The following AHRR variants were observed in gnomAD, a reference collection of about 807,000 sequenced individuals.
The protein encoded by AHRR is aryl hydrocarbon receptor repressor, also known as ahR repressor.
Under a neutral mutation model 44.0 loss-of-function variants are expected in AHRR, and 28 were observed. The ratio of observed to expected loss-of-function variants is 0.64; its 90% CI spans 0.47 to 0.87. The LOEUF (loss-of-function observed/expected upper bound fraction) is 0.87. AHRR is among the 40% of genes least tolerant of loss of function. The probability of loss-of-function intolerance (pLI) is 0.00; values close to 1 mark genes in which losing one functional copy is unlikely to be tolerated. For missense variants in AHRR, 990 were observed against 953.9 expected (o/e 1.04, Z -0.50); for synonymous variants, 434 against 407.0 (o/e 1.07, Z -0.80).
intron 4 of AHRR, among the ~76,000 whole-genome samples, chr5:382,045 A>G (rs1734006864): frequency 6.6e-6 from 1 of 152,094 alleles, no homozygotes; most frequent in African/African-American, 2.4e-5. Context: ...TCTCATTTCT[A>G]TTTTGCCCAA....
chr5:391,396 AGGGCGAGGCAGGGCCAGAGCGTG>A (rs1734436079), intron 4 of AHRR, among the ~76,000 whole-genome samples: 1 of 117,792 alleles, frequency 8.5e-6, no homozygotes, highest in Admixed American at 8.4e-5. Context: ...AGGAGGGCGC[AGGGCGAGGCAGGGCCAGAGCGTG>A]CACGGGGGCA....
chr5:431,651 C>T (rs1198229178), intron 8 of AHRR, among the ~76,000 whole-genome samples: 1 of 152,054 alleles, frequency 6.6e-6, no homozygotes, highest in Non-Finnish European at 1.5e-5. Context: ...CCCCCAACAG[C>T]CCCCCAGTCT....
intron 4 of AHRR, among the ~76,000 whole-genome samples, chr5:398,120 G>GTAGCCCCTGACCGTCCACA (rs1734834609): frequency 9.1e-6 from 1 of 109,964 alleles, no homozygotes; most frequent in African/African-American, 4.3e-5. Flanking sequence ...GACCATCCAC[G>GTAGCCCCTGACCGTCCACA]TAGCTCCTGA....
intron 3 of AHRR, among the ~76,000 whole-genome samples, chr5:373,474 G>A (rs1743648459): frequency 6.6e-6 from 1 of 152,232 alleles, no homozygotes; most frequent in African/African-American, 2.4e-5. Context: ...TGCTGGCCCA[G>A]CTGTGCCTTG....
intron 5 of AHRR, among the ~76,000 whole-genome samples, chr5:415,072 C>T (rs911649589): frequency 3.3e-5 from 5 of 152,354 alleles, no homozygotes; most frequent in Admixed American, 1.3e-4. Context: ...GTTCCCAAGA[C>T]GTTCAGGCCA....
At chr5:377,051 C>A (rs1733741921) in intron 4 of AHRR, among the ~76,000 whole-genome samples, 1 of 152,098 alleles carries the variant, frequency 6.6e-6, no homozygotes, top group Non-Finnish European at 1.5e-5. Flanking sequence ...AAAATTAAGC[C>A]TTTTTTCCCC....
intron 1 of AHRR, among the ~76,000 whole-genome samples, chr5:332,345 A>G (rs372652418): frequency 2.8e-5 from 4 of 143,360 alleles, no homozygotes; most frequent in African/African-American, 1.0e-4. Flanking sequence ...TCGGCTCACC[A>G]CAACCTCCGC....
chr5:363,271 C>T (rs537168429), intron 3 of AHRR, among the ~76,000 whole-genome samples: 25 of 152,300 alleles, frequency 1.6e-4, no homozygotes, highest in Admixed American at 3.9e-4. Context: ...AGAGAGCTGG[C>T]ACATGAGGCT....
At chr5:408,241 G>A (rs1735344688) in intron 4 of AHRR, among the ~76,000 whole-genome samples, 1 of 152,262 alleles carries the variant, frequency 6.6e-6, no homozygotes, top group South Asian at 2.1e-4. Flanking sequence ...ATGGGTGGTG[G>A]TGGGCCTCCC....
At chr5:415,129 T>C (rs1365476361) in intron 5 of AHRR, among the ~76,000 whole-genome samples, 1 of 152,240 alleles carries the variant, frequency 6.6e-6, no homozygotes, top group Non-Finnish European at 1.5e-5. Context: ...GATGCGCACC[T>C]GGAGGCCGCT....
At chr5:343,230 G>A (rs1742406590) in intron 1 of AHRR, among the ~76,000 whole-genome samples, 1 of 148,642 alleles carries the variant, frequency 6.7e-6, no homozygotes, top group Non-Finnish European at 1.5e-5. Flanking sequence ...CAGAAACACG[G>A]GACCCCACAT....
In AHRR at chr5:370,502, A is replaced by T. The variant is rs1743537783; in HGVS notation, c.245-6108A>T. Among the ~76,000 whole-genome samples, 1 of 152,154 alleles carries T rather than the reference A, an allele frequency of 6.6e-6. No individual in the cohort carries two copies. Among genetic ancestry groups the T allele is most frequent in the Non-Finnish European group, 1.5e-5 (1 of 67,994 alleles). ...GGTGAGTGAAATCAGGTTCAAGGGA[A>T]ATTTTCACCAAGGTCATCCGCCACC... On this transcript the variant is annotated intron_variant, in intron 3 of 10. Transcript: ENST00000684583. The surrounding 1 kb of genome is among the most constrained non-coding windows in gnomAD (Gnocchi z 4.5).
At position 403,965 on chromosome 5, in the gene AHRR, C is replaced by T. The variant is rs1735144447; in HGVS notation, c.352-9379C>T. 4.5e-6 allele frequency: 6 copies of T among 1,333,258 alleles called. No individual in the cohort carries two copies. The Admixed American group carries it at 1.0e-4, about 23-fold the overall frequency. 82.6% of individuals were successfully genotyped at this position (1,333,258 alleles called of 1,614,324 possible). A position where few individuals can be genotyped will look rare whatever the true frequency, so the allele number is the denominator to read the frequency against. ...ATATCTCCTCCACTTTATTTTCTGACTCGTCTACATTTTCTGCTTTCTTTA... is the reference window on the plus strand; with the variant it reads ...ATATCTCCTCCACTTTATTTTCTGATTCGTCTACATTTTCTGCTTTCTTTA... On this transcript the variant is annotated intron_variant, in intron 4 of 10. Coordinates refer to ENST00000684583, the MANE Select transcript of AHRR (RefSeq NM_001377236.1).
chr5:353,135 C>T (rs1227985568), intron 2 of AHRR, among the ~76,000 whole-genome samples: 2 of 152,172 alleles, frequency 1.3e-5, no homozygotes, highest in African/African-American at 4.8e-5. Context: ...CTCACTGCCC[C>T]TTTGTGGGGC....
chr5:403,943 T>C (rs1184481115), intron 4 of AHRR: 2 of 1,460,914 alleles, frequency 1.4e-6, no homozygotes, highest in Non-Finnish European at 1.9e-6. Context: ...TGATGAAATA[T>C]CTCCTCCACT....
chr5:417,257 T>G (rs899884536), intron 5 of AHRR, among the ~76,000 whole-genome samples: 7 of 149,106 alleles, frequency 4.7e-5, no homozygotes, highest in African/African-American at 1.7e-4. Flanking sequence ...GGTCTGTATG[T>G]GCAGGGCCTG....
rs1488557899 is a variant in AHRR, at chr5:326,409, G to A, written c.-11+4590G>A. ...TTAGGGTCCATCCATGTGGCAGCACGTGCCAGGGCTTCCTTCCTTTTCATG... is the reference window on the plus strand; with the variant it reads ...TTAGGGTCCATCCATGTGGCAGCACATGCCAGGGCTTCCTTCCTTTTCATG... On this transcript the variant is annotated intron_variant, in intron 1 of 10. Transcript: ENST00000684583. This position sits in a 1 kb window ranked among gnomAD's most constrained non-coding sequence, Gnocchi z 4.1. 3.9e-5 allele frequency among the ~76,000 whole-genome samples: 6 copies of A among 152,208 alleles called. No individual in the cohort carries two copies. The highest frequency in any genetic ancestry group is 1.4e-4 in the African/African-American group (6 of 41,452).
chr5:368,692 G>C (rs1743458910), intron 3 of AHRR, among the ~76,000 whole-genome samples: 1 of 152,234 alleles, frequency 6.6e-6, no homozygotes, highest in African/African-American at 2.4e-5. Context: ...GGACGAGCGT[G>C]TGACTCTGGT....
intron 10 of AHRR, 89 bp downstream of exon 10, chr5:433,036 GAAAAAT>G (rs1182503635): frequency 7.3e-7 from 1 of 1,378,926 alleles, no homozygotes; most frequent in African/African-American, 1.5e-5. Flanking sequence ...TGATTAAGAA[GAAAAAT>G]AAAAAAGACG....
Sources: allele counts gnomAD v4.1 joint callset (sites outside exome capture counted in the v4.1 genomes callset), GRCh38; gene constraint gnomAD v4.1.1; non-coding constraint Gnocchi (gnomAD v3.1); transcripts MANE v1.5; gene names NCBI Gene and HGNC (gene_info 2026-07-23, HGNC 2026-07-21).